CADPS2: variants seen among roughly 807,000 people sequenced by gnomAD.
CADPS2 encodes calcium-dependent secretion activator 2.
Under a neutral mutation model 172.5 loss-of-function variants are expected in CADPS2, and 93 were observed. That is an observed-to-expected ratio of 0.54 (90% CI 0.46 to 0.64). CADPS2 has a LOEUF of 0.64. Among genes scored for constraint, CADPS2 ranks in the 30% least tolerant of loss-of-function variants. The probability of loss-of-function intolerance (pLI) is 0.00; values close to 1 mark genes in which losing one functional copy is unlikely to be tolerated. For synonymous variants in CADPS2, 546 were observed against 555.2 expected (o/e 0.98, Z 0.23); for missense variants, 1,420 against 1,565.9 (o/e 0.91, Z 1.57).
At chr7:122,681,529 A>G in intron 2 of CADPS2, 3 of 1,464,748 alleles carry the variant, frequency 2.0e-6, no homozygotes, top group East Asian at 2.3e-5. Flanking sequence ...GTGAAGCTAC[A>G]TTACTGTGTG....
intron 25 of CADPS2, among the ~76,000 whole-genome samples, chr7:122,364,555 T>C (rs2040603863): frequency 6.6e-6 from 1 of 150,736 alleles, no homozygotes; most frequent in African/African-American, 2.4e-5. Flanking sequence ...TGAAACCTCA[T>C]CTCTACTAAA....
chr7:122,437,204 C>T (rs2050742047), intron 17 of CADPS2, among the ~76,000 whole-genome samples: 1 of 152,110 alleles, frequency 6.6e-6, no homozygotes, highest in African/African-American at 2.4e-5. Context: ...TTTGCTTTAA[C>T]ACAACATGAT....
chr7:122,881,654 G>C lies in CADPS2; in HGVS notation c.339+4345C>G, dbSNP rs377468609. ...GTATGGCATTTTTGGACTATCATCA[G>C]ATCTGCTGGAAAACTGCAGGCCAGA... On this transcript the variant is annotated intron_variant, in intron 1 of 29. Coordinates refer to ENST00000449022, the MANE Select transcript of CADPS2 (RefSeq NM_017954.11). Among the ~76,000 whole-genome samples the C allele has an allele frequency of 5.7e-4, 87 of 152,230 alleles. 2 individuals are homozygous for C. The South Asian group carries it at 0.017, about 30-fold the overall frequency.
At chr7:122,521,426 C>T (rs1363126435) in intron 8 of CADPS2, among the ~76,000 whole-genome samples, 2 of 132,804 alleles carry the variant, frequency 1.5e-5, no homozygotes, top group Non-Finnish European at 3.1e-5. Context: ...CTTCCTTTCA[C>T]TACATTCTTT....
chr7:122,343,665 C>G (rs873376), intron 28 of CADPS2, among the ~76,000 whole-genome samples: 16,995 of 152,220 alleles, frequency 0.11, 1,211 homozygotes, highest in Non-Finnish European at 0.15. Context: ...CTATGATGGT[C>G]TACTTATAGA....
At chr7:122,465,153 G>A (rs1383713496) in intron 14 of CADPS2, among the ~76,000 whole-genome samples, 1 of 152,110 alleles carries the variant, frequency 6.6e-6, no homozygotes, top group Non-Finnish European at 1.5e-5. Flanking sequence ...ATATTAGACT[G>A]AGGAAGGGAA....
At chr7:122,464,383 T>C (rs1001496212) in intron 14 of CADPS2, among the ~76,000 whole-genome samples, 1 of 152,182 alleles carries the variant, frequency 6.6e-6, no homozygotes, top group Non-Finnish European at 1.5e-5. Flanking sequence ...ATAAATAAAT[T>C]GGAAAGAAGA....
At chr7:122,411,223 CT>C (rs560751027) in intron 19 of CADPS2, among the ~76,000 whole-genome samples, 2,731 of 141,374 alleles carry the variant, frequency 0.019, 57 homozygotes, top group African/African-American at 0.064. Flanking sequence ...CCTTTGATTA[CT>C]TTTTTTTTTT....
At chr7:122,624,480 C>T (rs2075891931) in intron 4 of CADPS2, among the ~76,000 whole-genome samples, 2 of 152,176 alleles carry the variant, frequency 1.3e-5, no homozygotes, top group African/African-American at 2.4e-5. Flanking sequence ...CTAAGCTGAT[C>T]TCTGCTGCTT....
chr7:122,678,055 T>C (rs1208667270), intron 2 of CADPS2, among the ~76,000 whole-genome samples: 3 of 152,190 alleles, frequency 2.0e-5, no homozygotes, highest in African/African-American at 7.2e-5. Flanking sequence ...CTCTGTAGTG[T>C]CTAGTATCAT....
chr7:122,840,540 C>G (rs1305507605), intron 1 of CADPS2, among the ~76,000 whole-genome samples: 1 of 122,742 alleles, frequency 8.1e-6, no homozygotes, highest in Non-Finnish European at 1.6e-5. Context: ...TAAACACTTT[C>G]TATTTTTAAA....
chr7:122,376,733 T>C (rs758380471), intron 25 of CADPS2, among the ~76,000 whole-genome samples: 6 of 152,088 alleles, frequency 3.9e-5, no homozygotes, highest in Non-Finnish European at 7.4e-5. Flanking sequence ...AATAATTATT[T>C]AAGAGGGCTG....
intron 6 of CADPS2, among the ~76,000 whole-genome samples, chr7:122,587,138 A>T (rs1228779689): frequency 6.6e-6 from 1 of 151,812 alleles, no homozygotes. Context: ...TCTGGGGTAC[A>T]CGTGCAGGTT....
At chr7:122,703,207 C>T (rs890386483) in intron 2 of CADPS2, among the ~76,000 whole-genome samples, 2 of 152,064 alleles carry the variant, frequency 1.3e-5, no homozygotes, top group East Asian at 3.9e-4. Flanking sequence ...AAAATCTACC[C>T]AGCCATATAA....
At chr7:122,718,776 T>C (rs1194403326) in intron 2 of CADPS2, among the ~76,000 whole-genome samples, 1 of 152,072 alleles carries the variant, frequency 6.6e-6, no homozygotes, top group African/African-American at 2.4e-5. Flanking sequence ...GAGGACCAAG[T>C]TGTGAGCTCA....
At chr7:122,810,273 A>G (rs1380696961) in intron 1 of CADPS2, among the ~76,000 whole-genome samples, 1 of 152,176 alleles carries the variant, frequency 6.6e-6, no homozygotes, top group Non-Finnish European at 1.5e-5. Flanking sequence ...GAGGTAAATA[A>G]GGAAGCTTGT....
At chr7:122,680,043 C>G (rs1464810818) in intron 2 of CADPS2, among the ~76,000 whole-genome samples, 1 of 152,166 alleles carries the variant, frequency 6.6e-6, no homozygotes, top group Non-Finnish European at 1.5e-5. Context: ...AGGCTAGAAG[C>G]AAGATAGAGT....
chr7:122,708,914 C>G (rs1211245536), intron 2 of CADPS2, among the ~76,000 whole-genome samples: 1 of 151,852 alleles, frequency 6.6e-6, no homozygotes. Context: ...CTTAAGTAAA[C>G]ACAAGATTAA....
At chr7:122,596,093 G>A (rs1033218225) in intron 6 of CADPS2, among the ~76,000 whole-genome samples, 1 of 152,066 alleles carries the variant, frequency 6.6e-6, no homozygotes, top group Non-Finnish European at 1.5e-5. Flanking sequence ...GCTGCTGCTG[G>A]TTCCTGTGAG....
Sources: allele counts gnomAD v4.1 joint callset (sites outside exome capture counted in the v4.1 genomes callset), GRCh38; gene constraint gnomAD v4.1.1; transcripts MANE v1.5; gene names NCBI Gene and HGNC (gene_info 2026-07-23, HGNC 2026-07-21).